SPOCK3: variants seen among roughly 807,000 people sequenced by gnomAD.
SPOCK3 encodes the protein SPARC (osteonectin), cwcv and kazal like domains proteoglycan 3, also known as testican-3.
A neutral mutation model predicts 56.6 loss-of-function variants in SPOCK3; 30 were observed. That is an observed-to-expected ratio of 0.53 (90% confidence interval 0.40 to 0.72). The LOEUF (loss-of-function observed/expected upper bound fraction) is 0.72. Among genes scored for constraint, SPOCK3 ranks in the 30% least tolerant of loss-of-function variants. The probability of loss-of-function intolerance (pLI) is 0.00; values close to 1 mark genes in which losing one functional copy is unlikely to be tolerated. For synonymous variants in SPOCK3, 196 were observed against 183.3 expected, an observed-to-expected ratio of 1.07 and a Z score of -0.56; for missense variants, 527 against 530.0, an observed-to-expected ratio of 0.99 and a Z score of 0.06.
intron 2 of SPOCK3, among the ~76,000 whole-genome samples, chr4:167,120,847 T>C (rs1384661575): frequency 6.6e-6 from 1 of 152,048 alleles, no homozygotes; most frequent in East Asian, 1.9e-4. Flanking sequence ...CTATAACCTA[T>C]AGATTAAAGA....
intron 7 of SPOCK3, among the ~76,000 whole-genome samples, chr4:166,776,879 A>C (rs1302584009): frequency 6.6e-6 from 1 of 152,232 alleles, no homozygotes; most frequent in Non-Finnish European, 1.5e-5. Context: ...AAAATTATCA[A>C]GGAAATAAAC....
At chr4:167,180,446 A>T (rs559667961) in intron 2 of SPOCK3, among the ~76,000 whole-genome samples, 2 of 152,320 alleles carry the variant, frequency 1.3e-5, no homozygotes, top group East Asian at 1.9e-4. Flanking sequence ...GTTAAGCCAC[A>T]ATCACGAGCT....
intron 6 of SPOCK3, among the ~76,000 whole-genome samples, chr4:166,840,151 G>A (rs892140608): frequency 2.0e-5 from 3 of 152,110 alleles, no homozygotes; most frequent in Non-Finnish European, 2.9e-5. Context: ...TATCTCCAGC[G>A]GAAGTGAAAT....
At position 167,205,557 on chromosome 4, in the gene SPOCK3, A is replaced by ATATATT. The variant is rs1561322866; in HGVS notation, c.189+28427_189+28428insAATATA. On this transcript the variant is annotated intron_variant, in intron 2 of 10. Transcript: ENST00000357545. ...ATATAATATATATTATATAATATAT[A>ATATATT]ATATATATTATATATATAATATAAT... Among the ~76,000 whole-genome samples, 184 of 62,068 alleles carry ATATATT rather than the reference A, an allele frequency of 3.0e-3. 1 individual carries two copies. Among genetic ancestry groups the ATATATT allele is most frequent in the Non-Finnish European group, 3.6e-3 (130 of 36,582 alleles). 40.7% of individuals were successfully genotyped at this position (62,068 alleles called of 152,430 possible).
intron 4 of SPOCK3, among the ~76,000 whole-genome samples, chr4:166,947,179 C>G (rs1741872363): frequency 6.6e-6 from 1 of 152,078 alleles, no homozygotes; most frequent in Non-Finnish European, 1.5e-5. Context: ...TCTCCTATTA[C>G]TTTGCATTAT....
intron 7 of SPOCK3, among the ~76,000 whole-genome samples, chr4:166,767,486 T>A (rs1738256575): frequency 6.6e-6 from 1 of 152,138 alleles, no homozygotes. Context: ...AGTTTCCATG[T>A]AGTTGAGTGG....
chr4:166,817,514 A>T (rs967656189), intron 6 of SPOCK3, among the ~76,000 whole-genome samples: 2 of 152,040 alleles, frequency 1.3e-5, no homozygotes, highest in Non-Finnish European at 2.9e-5. Context: ...AGGGTCACAG[A>T]GTAATATCAA....
At chr4:166,814,677 G>T (rs1393137344) in intron 6 of SPOCK3, among the ~76,000 whole-genome samples, 1 of 152,080 alleles carries the variant, frequency 6.6e-6, no homozygotes, top group South Asian at 2.1e-4. Flanking sequence ...ACTGAAGGCT[G>T]CACTGTTGGC....
intron 3 of SPOCK3, among the ~76,000 whole-genome samples, chr4:167,036,444 C>G (rs1752763083): frequency 3.3e-5 from 5 of 152,128 alleles, no homozygotes; most frequent in Admixed American, 3.3e-4. Flanking sequence ...AACTTTTAGT[C>G]CTACTGTAAG....
rs552774285 is a variant in SPOCK3 at position 166,742,291 on chromosome 4, T to C, written c.932-232A>G. 2.0e-5 allele frequency among the ~76,000 whole-genome samples: 3 copies of C among 151,902 alleles called. No homozygotes were observed. In the East Asian group the frequency reaches 5.8e-4, roughly 29 times the overall value. On this transcript the variant is annotated intron_variant, in intron 8 of 10. Coordinates refer to ENST00000357545, the MANE Select transcript of SPOCK3 (RefSeq NM_001040159.2). ...TATCTATCTATCTAATATCTATCTA[T>C]AGAGACAGAGAGAGCACTCATACTA...
At chr4:166,914,058 T>C (rs1033831048) in intron 4 of SPOCK3, among the ~76,000 whole-genome samples, 3 of 128,370 alleles carry the variant, frequency 2.3e-5, no homozygotes, top group Middle Eastern at 3.7e-3. Context: ...ATGTAGCAGA[T>C]ACAAATTAAA....
intron 3 of SPOCK3, among the ~76,000 whole-genome samples, chr4:167,031,456 T>C (rs142847634): frequency 1.9e-4 from 29 of 152,144 alleles, no homozygotes; most frequent in African/African-American, 6.7e-4. Context: ...ACAGTTACTG[T>C]GATCAAATTA....
chr4:166,896,466 G>A (rs773614538), intron 5 of SPOCK3, among the ~76,000 whole-genome samples: 6 of 152,136 alleles, frequency 3.9e-5, no homozygotes, highest in African/African-American at 1.2e-4. Flanking sequence ...GGCCACCGAG[G>A]TGCATGCTTA....
At chr4:167,089,614 A>G (rs1281123346) in intron 2 of SPOCK3, among the ~76,000 whole-genome samples, 1 of 152,154 alleles carries the variant, frequency 6.6e-6, no homozygotes, top group East Asian at 1.9e-4. Context: ...AAAAAATGAT[A>G]TATGTTTTAA....
intron 4 of SPOCK3, among the ~76,000 whole-genome samples, chr4:166,955,359 T>C (rs1743281872): frequency 6.6e-6 from 1 of 150,690 alleles, no homozygotes; most frequent in Non-Finnish European, 1.5e-5. Flanking sequence ...AGTCCGTAAC[T>C]ACCACAGATT....
intron 4 of SPOCK3, among the ~76,000 whole-genome samples, chr4:166,968,181 A>G (rs1437525088): frequency 6.6e-6 from 1 of 152,134 alleles, no homozygotes; most frequent in Non-Finnish European, 1.5e-5. Flanking sequence ...CTGAAACTAG[A>G]GCTTATATTT....
chr4:167,086,850 T>A (rs1184827070), intron 2 of SPOCK3, among the ~76,000 whole-genome samples: 1 of 152,106 alleles, frequency 6.6e-6, no homozygotes. Flanking sequence ...CTGAGAAATA[T>A]TTGATCATTG....
At chr4:166,792,929 C>CT (rs1199136877) in intron 6 of SPOCK3, among the ~76,000 whole-genome samples, 1 of 152,182 alleles carries the variant, frequency 6.6e-6, no homozygotes, top group Non-Finnish European at 1.5e-5. Context: ...GTAACTTCCT[C>CT]TTTGTTTTTT....
intron 3 of SPOCK3, among the ~76,000 whole-genome samples, chr4:167,019,178 T>C (rs182272564): frequency 1.3e-5 from 2 of 152,210 alleles, no homozygotes; most frequent in East Asian, 3.9e-4. Context: ...ACAATCTCTT[T>C]GCACTATCCA....
Sources: allele counts gnomAD v4.1 joint callset (sites outside exome capture counted in the v4.1 genomes callset), GRCh38; gene constraint gnomAD v4.1.1; transcripts MANE v1.5; gene names NCBI Gene and HGNC (gene_info 2026-07-23, HGNC 2026-07-21).